The following TRAK2 variants were observed in gnomAD, a reference collection of about 807,000 sequenced individuals.
The protein encoded by TRAK2 is trafficking kinesin-binding protein 2.
TRAK2 carries 81 observed loss-of-function variants against 104.6 expected under a neutral mutation model. The observed-to-expected ratio is 0.77, with a 90% CI of 0.65 to 0.93. The LOEUF (loss-of-function observed/expected upper bound fraction) is 0.93. TRAK2 is among the 40% of genes least tolerant of loss of function. The probability of loss-of-function intolerance (pLI) is 0.00; values close to 1 mark genes in which losing one functional copy is unlikely to be tolerated. For synonymous variants in TRAK2, 406 were observed against 394.4 expected (o/e 1.03, Z -0.35); for missense variants, 1,002 against 1,089.0 (o/e 0.92, Z 1.12).
Position 201,439,948 on chromosome 2 carries a change from G to C in TRAK2, c.-200+11402C>G, listed in dbSNP as rs111583145. ...GGGGACTGTTGTGGGGTGGGGGGAG[G>C]GGGGAGGGATAGCATTAGGAGATAT... is the stretch of plus-strand genomic sequence containing the variant. On this transcript the variant is annotated intron_variant, in intron 1 of 15. Transcript: ENST00000332624. Among the ~76,000 whole-genome samples the C allele has an allele frequency of 6.7e-5, 7 of 104,144 alleles. No homozygotes were observed. In the East Asian group the frequency reaches 2.3e-3, roughly 34 times the overall value. 68.3% of individuals were successfully genotyped at this position (104,144 alleles called of 152,430 possible).
At chr2:201,417,343 A>G (rs1951703529) in intron 2 of TRAK2, among the ~76,000 whole-genome samples, 2 of 151,836 alleles carry the variant, frequency 1.3e-5, no homozygotes, top group Non-Finnish European at 2.9e-5. Flanking sequence ...ACATATACAC[A>G]CACTCCCTAA....
rs1443601316 is a variant in TRAK2 at position 201,379,993 on chromosome 2, T to C, written c.*550A>G. 1.3e-5 allele frequency: 2 copies of C among 153,454 alleles called. No homozygotes were observed. The highest frequency in any genetic ancestry group is 4.8e-5 in the African/African-American group (2 of 41,450). The allele number at this position is 153,454 out of a possible 1,614,324, so 9.5% of individuals were successfully genotyped here. ...AAAAAGATGAAACTCCTAATTTTGC[T>C]AATGCTGCGAGCATACCATTTGATG... On this transcript the variant is annotated 3_prime_UTR_variant, in exon 16 of 16. Coordinates refer to ENST00000332624, the MANE Select transcript of TRAK2 (RefSeq NM_015049.3).
rs1171770659 is a variant in TRAK2 at position 201,447,012 on chromosome 2, G to C, written c.-200+4338C>G. Among the ~76,000 whole-genome samples the C allele has an allele frequency of 6.6e-6, 1 of 152,224 alleles. No individual in the cohort carries two copies. Among genetic ancestry groups the C allele is most frequent in the African/African-American group, 2.4e-5 (1 of 41,452 alleles). Reference sequence around the variant, plus strand: ...TTATATTAACAGTGGCTCTGTTTTAGTTAGACATTTCAATATTCTGGGAAA... The same window carrying C: ...TTATATTAACAGTGGCTCTGTTTTACTTAGACATTTCAATATTCTGGGAAA... On this transcript the variant is annotated intron_variant, in intron 1 of 15. Coordinates refer to ENST00000332624, the MANE Select transcript of TRAK2 (RefSeq NM_015049.3). The surrounding 1 kb of genome is among the most constrained non-coding windows in gnomAD (Gnocchi z 4.1).
At chr2:201,384,022 A>T in intron 15 of TRAK2, 89 bp downstream of exon 15, 1 of 819,860 alleles carries the variant, frequency 1.2e-6, no homozygotes, top group Admixed American at 2.3e-5. Flanking sequence ...AACATTCTGG[A>T]AATTAAAATG....
intron 3 of TRAK2, among the ~76,000 whole-genome samples, chr2:201,401,966 G>A (rs1240494652): frequency 3.3e-5 from 5 of 152,048 alleles, no homozygotes; most frequent in Non-Finnish European, 7.4e-5. Context: ...GCCTTGAAGT[G>A]TGAAAAGGAC....
At chr2:201,389,649 G>A (rs1215709500) in intron 11 of TRAK2, 146 bp from the exon 12 acceptor site, 3 of 1,081,292 alleles carry the variant, frequency 2.8e-6, no homozygotes, top group Non-Finnish European at 4.0e-6. Flanking sequence ...TCAAACAAGA[G>A]AACTCTCTCA....
At chr2:201,450,374 C>T (rs1952018351) in intron 1 of TRAK2, among the ~76,000 whole-genome samples, 1 of 151,840 alleles carries the variant, frequency 6.6e-6, no homozygotes, top group Admixed American at 6.6e-5. Flanking sequence ...GAGATCACCC[C>T]ACTGCACTCC....
chr2:201,437,912 A>G (rs1355812442), intron 1 of TRAK2, among the ~76,000 whole-genome samples: 2 of 152,222 alleles, frequency 1.3e-5, no homozygotes, highest in Non-Finnish European at 2.9e-5. Context: ...TAAGGGAAAA[A>G]TATACTAACT....
At chr2:201,448,766 G>A (rs762870294) in intron 1 of TRAK2, among the ~76,000 whole-genome samples, 15 of 152,150 alleles carry the variant, frequency 9.9e-5, no homozygotes, top group South Asian at 2.1e-4. Flanking sequence ...TAGAGATGGC[G>A]TCTCACTCTG....
rs753227857 is a variant in TRAK2 at position 201,389,783 on chromosome 2, CAT to C, written c.1193+16_1193+17del. The stretch of plus-strand genomic sequence containing the variant: ...CTATTCCAATGATTGAGTAACAACA[CAT>C]GTGACCTGTACTTACTTTTGTTTAA... On this transcript the variant is annotated intron_variant, in intron 11 of 15. Transcript: ENST00000332624. 10 of 1,591,966 alleles carry C rather than the reference CAT, an allele frequency of 6.3e-6. No individual in the cohort carries two copies. The highest frequency in any genetic ancestry group is 1.4e-5 in the African/African-American group (1 of 73,934).
At chr2:201,386,087 A>G in intron 14 of TRAK2, 131 bp downstream of exon 14, 1 of 974,066 alleles carries the variant, frequency 1.0e-6, no homozygotes, top group South Asian at 1.7e-5. Flanking sequence ...CTAATGCTAT[A>G]GATTTTCATT....
chr2:201,403,213 T>G (rs186060149), intron 3 of TRAK2, among the ~76,000 whole-genome samples: 1 of 152,316 alleles, frequency 6.6e-6, no homozygotes, highest in African/African-American at 2.4e-5. Context: ...TTCCTATAAA[T>G]GCTTACCATC....
chr2:201,429,166 T>G (rs1951819134), intron 1 of TRAK2, among the ~76,000 whole-genome samples: 1 of 152,216 alleles, frequency 6.6e-6, no homozygotes, highest in Admixed American at 6.5e-5. Context: ...TATTTCTTTC[T>G]CTTGCCTGAT....
intron 2 of TRAK2, among the ~76,000 whole-genome samples, chr2:201,409,779 A>G (rs779796697): frequency 6.6e-6 from 1 of 152,232 alleles, no homozygotes; most frequent in Non-Finnish European, 1.5e-5. Flanking sequence ...TCAATACAGC[A>G]TCAAGATTTT....
chr2:201,441,934 C>T, intron 1 of TRAK2, among the ~76,000 whole-genome samples: 1 of 151,260 alleles, frequency 6.6e-6, no homozygotes, highest in East Asian at 2.0e-4. Context: ...CCTCGTGATC[C>T]ACCCACCTGG....
At chr2:201,395,221 G>A in intron 8 of TRAK2, 93 bp downstream of exon 8, 2 of 1,095,764 alleles carry the variant, frequency 1.8e-6, no homozygotes, top group East Asian at 2.4e-5. Context: ...CAGGGACAAT[G>A]TTTATTTTGT....
At chr2:201,450,750 G>A (rs916932666) in intron 1 of TRAK2, among the ~76,000 whole-genome samples, 3 of 150,802 alleles carry the variant, frequency 2.0e-5, no homozygotes, top group African/African-American at 7.4e-5. Context: ...ATGAGCAAGA[G>A]CAAGTAACAT....
At chr2:201,398,477 GT>G in intron 5 of TRAK2, 123 bp from the exon 6 acceptor site, 1 of 900,834 alleles carries the variant, frequency 1.1e-6, no homozygotes, top group African/African-American at 1.7e-5. Context: ...CAGCTGCTAG[GT>G]TTTACTGACT....
chr2:201,428,789 C>T (rs1345133959), intron 1 of TRAK2, among the ~76,000 whole-genome samples: 1 of 152,164 alleles, frequency 6.6e-6, no homozygotes, highest in East Asian at 1.9e-4. Context: ...GTTGATTTTT[C>T]CTATCCATGA....
Sources: gnomAD v4.1 joint callset for allele counts (sites outside exome capture counted in the v4.1 genomes callset) on GRCh38, gnomAD v4.1.1 for gene constraint, Gnocchi (gnomAD v3.1) non-coding constraint, MANE v1.5 for transcripts, NCBI Gene and HGNC (gene_info 2026-07-23, HGNC 2026-07-21) for gene names.